The following ARHGEF10L variants were observed in gnomAD, a reference collection of about 807,000 sequenced individuals.
ARHGEF10L encodes Rho guanine nucleotide exchange factor 10 like.
Under a neutral mutation model 141.2 loss-of-function variants are expected in ARHGEF10L, and 69 were observed. The ratio of observed to expected loss-of-function variants is 0.49; its 90% CI spans 0.40 to 0.60. The LOEUF is 0.60. ARHGEF10L is among the 20% of genes least tolerant of loss of function. The pLI is 0.00. For missense variants in ARHGEF10L, 1,482 were observed against 1,734.3 expected (o/e 0.85, Z 2.58); for synonymous variants, 711 against 718.5 (o/e 0.99, Z 0.17).
rs896891878 is a variant in ARHGEF10L at position 17,654,532 on chromosome 1, G to A, written c.2395-104G>A. ...TGCTTTCCTGGCCCCCACCCACAGG[G>A]ATTCTAATCCAGGGAGAGTTGGATG... On this transcript the variant is annotated intron_variant, in intron 22 of 28. Coordinates refer to ENST00000361221, the MANE Select transcript of ARHGEF10L (RefSeq NM_018125.4). This position sits in a 1 kb window ranked among gnomAD's most constrained non-coding sequence, Gnocchi z 4.3. The A allele has an allele frequency of 3.0e-6, 3 of 1,000,312 alleles. No individual in the cohort carries two copies. Among genetic ancestry groups the A allele is most frequent in the Non-Finnish European group, 4.8e-6 (3 of 623,448 alleles). The allele number at this position is 1,000,312 out of a possible 1,614,324, so 62.0% of individuals were successfully genotyped here.
chr1:17,632,387 C>T lies in ARHGEF10L; in HGVS notation c.1651C>T (p.Arg551Cys), dbSNP rs754280753. ...GTTGACGGAGACCGTGTACGGTGAC[C>T]GCGGGCAGCTAATTAAGTCCAAGGA... The part of the protein sequence containing the change: ...ETLTETVYGD[R>C]GQLIKSKERR... The change falls in exon 16 of 29, where the codon CGC becomes TGC. Residue 551 changes from arginine (R) to cysteine (C), a missense_variant. By Grantham distance (180) the Arg-to-Cys change is radical. Transcript: ENST00000361221. 25 of 1,614,048 alleles carry T rather than the reference C, an allele frequency of 1.5e-5. No individual in the cohort carries two copies. Among genetic ancestry groups the T allele is most frequent in the African/African-American group, 5.3e-5 (4 of 74,920 alleles).
chr1:17,518,610 G>A, the ARHGEF10L span, among the ~76,000 whole-genome samples: 4 of 151,632 alleles, frequency 2.6e-5, no homozygotes, highest in Non-Finnish European at 4.4e-5. Context: ...TAGCCAACAT[G>A]GTGAAACCCC....
At position 17,635,030 on chromosome 1, in the gene ARHGEF10L, C is replaced by T. The variant is rs554550783; in HGVS notation, c.1927+14C>T. 1.2e-5 allele frequency: 19 copies of T among 1,613,684 alleles called. 1 individual carries two copies. The South Asian group carries it at 1.6e-4, about 14-fold the overall frequency. On this transcript the variant is annotated intron_variant, in intron 18 of 28. Transcript: ENST00000361221. ...GGCAGGCTCAGAGTGAGTACCCCCT[C>T]TCTGTGCCCTGCGTTCGTCACCCTC...
At chr1:17,588,928 TG>T (rs376735224) in intron 4 of ARHGEF10L, among the ~76,000 whole-genome samples, 7 of 3,802 alleles carry the variant, frequency 1.8e-3, no homozygotes, top group Admixed American at 3.6e-3. Context: ...GGTTTGAGGG[TG>T]GGGGGGGTGC....
At chr1:17,538,665 G>C (rs2076617653), upstream of ARHGEF10L, among the ~76,000 whole-genome samples, 1 of 149,788 alleles carries the variant, frequency 6.7e-6, no homozygotes, top group Non-Finnish European at 1.5e-5. Context: ...TAGCCCCTGA[G>C]GCTGGTGCCT....
At chr1:17,596,149 G>T (rs1570738018) in intron 4 of ARHGEF10L, among the ~76,000 whole-genome samples, 1 of 152,212 alleles carries the variant, frequency 6.6e-6, no homozygotes, top group African/African-American at 2.4e-5. Flanking sequence ...TGGGGCGGGG[G>T]CCCTGGCGCC....
chr1:17,521,505 C>T, the ARHGEF10L span, among the ~76,000 whole-genome samples: 1 of 152,228 alleles, frequency 6.6e-6, no homozygotes, highest in Non-Finnish European at 1.5e-5. Context: ...GAGGCAGCCT[C>T]TTTCATTTGC....
chr1:17,634,493 A>C, intron 16 of ARHGEF10L, 55 bp from the exon 17 acceptor site: 1 of 1,614,052 alleles, frequency 6.2e-7, no homozygotes. Flanking sequence ...CAGCCCCCAG[A>C]TTAGCCACTC....
chr1:17,684,557 C>T (rs551681804), intron 26 of ARHGEF10L, among the ~76,000 whole-genome samples: 163 of 152,258 alleles, frequency 1.1e-3, no homozygotes, highest in African/African-American at 3.7e-3. Context: ...CCCCCGATAC[C>T]TCTGGAGCCC....
intron 15 of ARHGEF10L, among the ~76,000 whole-genome samples, chr1:17,629,951 C>T (rs74059380): frequency 0.039 from 5,871 of 152,316 alleles, 389 homozygotes; most frequent in African/African-American, 0.13. Flanking sequence ...TCTGCCCTCT[C>T]CTGCTCTGTG....
chr1:17,540,362 T>A (rs942359427), intron 1 of ARHGEF10L, among the ~76,000 whole-genome samples: 34 of 149,278 alleles, frequency 2.3e-4, no homozygotes, highest in Middle Eastern at 3.4e-3. Context: ...GGAGTGCCCC[T>A]GTCGCCTCTG....
chr1:17,583,906 C>T (rs2078801673), intron 2 of ARHGEF10L, among the ~76,000 whole-genome samples: 2 of 152,128 alleles, frequency 1.3e-5, no homozygotes, highest in South Asian at 2.1e-4. Context: ...GGCTGGAGTA[C>T]AATGGTGTGA....
chr1:17,646,255 C>A (rs1358806310), intron 21 of ARHGEF10L, among the ~76,000 whole-genome samples: 1 of 152,236 alleles, frequency 6.6e-6, no homozygotes, highest in East Asian at 1.9e-4. Flanking sequence ...CTCTCTCGGG[C>A]AGTGACGGCA....
chr1:17,523,897 T>G, the ARHGEF10L span, among the ~76,000 whole-genome samples: 1 of 151,822 alleles, frequency 6.6e-6, no homozygotes, highest in Non-Finnish European at 1.5e-5. Flanking sequence ...ACACAGAGAG[T>G]TAGTATGAAG....
At chr1:17,551,837 A>G (rs558077965) in intron 1 of ARHGEF10L, among the ~76,000 whole-genome samples, 1 of 152,240 alleles carries the variant, frequency 6.6e-6, no homozygotes, top group South Asian at 2.1e-4. Context: ...TTCTAACTAA[A>G]ACAACCACAG....
intron 8 of ARHGEF10L, among the ~76,000 whole-genome samples, chr1:17,613,512 C>T (rs1385587049): frequency 6.6e-6 from 1 of 152,212 alleles, no homozygotes; most frequent in African/African-American, 2.4e-5. Flanking sequence ...TTCCTGAGTT[C>T]CAGCCCCAAG....
chr1:17,697,273 C>T lies in ARHGEF10L; in HGVS notation c.3733C>T (p.Gln1245Ter). ...ICSVAIISGG[Q>*]GYRNFGSALG... ...CTCTGTGGCCATCATCTCCGGCGGG[C>T]AGGGCTACCGCAACTTTGGCAGCGC... Residue 1245 changes from glutamine to a stop codon, truncating the protein, a stop_gained, in exon 29 of 29, where the codon CAG becomes TAG. Coordinates refer to ENST00000361221, the MANE Select transcript of ARHGEF10L (RefSeq NM_018125.4). LOFTEE classifies it high-confidence loss of function. The surrounding 1 kb of genome is among the most constrained non-coding windows in gnomAD (Gnocchi z 4.8). The T allele has an allele frequency of 6.2e-7, 1 of 1,612,724 alleles. No individual in the cohort carries two copies. The highest frequency in any genetic ancestry group is 8.5e-7 in the Non-Finnish European group (1 of 1,179,824).
chr1:17,618,539 G>T (rs780045273), intron 9 of ARHGEF10L: 3 of 1,396,994 alleles, frequency 2.1e-6, no homozygotes, highest in South Asian at 1.6e-5. Context: ...GCCTATTGGG[G>T]TGTCTCTACC....
rs1570938148 is a variant in ARHGEF10L, at chr1:17,615,894, G to T, written c.727-200G>T. ...AAAAAATCGGTTACAGCCTCCTGTT[G>T]CCCCTAAAGAGGGAGATCCCCGGGC... On this transcript the variant is annotated intron_variant, in intron 8 of 28. Transcript: ENST00000361221. This position sits in a 1 kb window ranked among gnomAD's most constrained non-coding sequence, Gnocchi z 4.7. 5.3e-6 allele frequency: 3 copies of T among 563,564 alleles called. No homozygotes were observed. The East Asian group carries it at 8.8e-5, about 16-fold the overall frequency. The allele number at this position is 563,564 out of a possible 1,614,324, so 34.9% of individuals were successfully genotyped here.
Sources: gnomAD v4.1 joint callset for allele counts (sites outside exome capture counted in the v4.1 genomes callset) on GRCh38, gnomAD v4.1.1 for gene constraint, Gnocchi (gnomAD v3.1) non-coding constraint, MANE v1.5 for transcripts, NCBI Gene and HGNC (gene_info 2026-07-23, HGNC 2026-07-21) for gene names.